Variants in RBFOX1 observed in about 807,000 individuals in gnomAD.
RBFOX1 encodes the protein RNA binding protein fox-1 homolog 1.
In RBFOX1, 8 loss-of-function variants were observed where a neutral mutation model predicts 57.7. The ratio of observed to expected loss-of-function variants is 0.14; its 90% CI spans 0.08 to 0.25. RBFOX1 has a LOEUF of 0.25. RBFOX1 is among the 10% of genes least tolerant of loss of function. RBFOX1 has a pLI of 1.00. For missense variants in RBFOX1, 611 were observed against 548.5 expected (o/e 1.11, Z -1.14); for synonymous variants, 326 against 222.4 (o/e 1.47, Z -4.15).
intron 2 of RBFOX1, among the ~76,000 whole-genome samples, chr16:6,489,346 T>C (rs1428027293): frequency 1.3e-5 from 2 of 152,210 alleles, no homozygotes; most frequent in Non-Finnish European, 2.9e-5. Context: ...TTATATAATA[T>C]TTTATATTTG....
chr16:6,317,893 A>G (rs1180757612), intron 2 of RBFOX1, among the ~76,000 whole-genome samples: 2 of 152,202 alleles, frequency 1.3e-5, no homozygotes, highest in African/African-American at 2.4e-5. Context: ...TTCAAGATGT[A>G]GCTTCCTTCA....
At chr16:5,443,856 T>A (rs1001729180) in intron 1 of RBFOX1, among the ~76,000 whole-genome samples, 1 of 152,182 alleles carries the variant, frequency 6.6e-6, no homozygotes, top group African/African-American at 2.4e-5. Flanking sequence ...AAGTCTGGGC[T>A]TTTTTTCCCC....
chr16:6,443,503 C>G (rs1259593233), intron 2 of RBFOX1, among the ~76,000 whole-genome samples: 2 of 152,112 alleles, frequency 1.3e-5, no homozygotes, highest in African/African-American at 4.8e-5. Flanking sequence ...AAGGACCTTC[C>G]TGAAAATCTC....
rs561256934 is a variant in RBFOX1, at chr16:6,459,260, C to T, written c.-64+142203C>T. Among the ~76,000 whole-genome samples, 37 of 152,082 alleles carry T rather than the reference C, an allele frequency of 2.4e-4. No homozygotes were observed. The East Asian group carries it at 3.5e-3, about 14-fold the overall frequency. On this transcript the variant is annotated intron_variant, in intron 2 of 15. Transcript: ENST00000550418. ...CTGAGGCAGGAGAATGGCGTGAACC[C>T]GGGAGGCAGAGGTTGCAGTGAGCCG...
At chr16:7,094,803 G>A (rs1337838259) in intron 4 of RBFOX1, among the ~76,000 whole-genome samples, 4 of 123,286 alleles carry the variant, frequency 3.2e-5, no homozygotes. Context: ...GAGAGAGAGA[G>A]AGATTGAGAC....
intron 4 of RBFOX1, among the ~76,000 whole-genome samples, chr16:5,889,876 G>T (rs1396900454): frequency 6.6e-6 from 1 of 152,214 alleles, no homozygotes; most frequent in East Asian, 1.9e-4. Flanking sequence ...CAGAATGGCT[G>T]GAAAGAGGAG....
chr16:6,830,152 G>C (rs1430556109), intron 3 of RBFOX1, among the ~76,000 whole-genome samples: 1 of 151,954 alleles, frequency 6.6e-6, no homozygotes. Flanking sequence ...CCTGACCTCA[G>C]GTGATCTGCC....
chr16:5,943,284 AT>A (rs1339636776), intron 4 of RBFOX1, among the ~76,000 whole-genome samples: 1 of 152,160 alleles, frequency 6.6e-6, no homozygotes, highest in Non-Finnish European at 1.5e-5. Flanking sequence ...CTTTCTTAGT[AT>A]GTAGTCCAGG....
intron 4 of RBFOX1, among the ~76,000 whole-genome samples, chr16:5,919,232 C>G (rs961520334): frequency 3.9e-5 from 6 of 152,206 alleles, no homozygotes; most frequent in African/African-American, 1.4e-4. Context: ...TAGTTAATGC[C>G]TATTTCTCTG....
At chr16:7,072,483 C>G (rs1391532949) in intron 4 of RBFOX1, among the ~76,000 whole-genome samples, 2 of 152,138 alleles carry the variant, frequency 1.3e-5, no homozygotes, top group African/African-American at 2.4e-5. Flanking sequence ...TCTCTACTGC[C>G]TATAACATAG....
intron 2 of RBFOX1, among the ~76,000 whole-genome samples, chr16:6,600,694 GATTTACC>G (rs1171700889): frequency 3.3e-5 from 5 of 152,090 alleles, no homozygotes; most frequent in Non-Finnish European, 7.3e-5. Context: ...CAAGTTTATA[GATTTACC>G]ATTTAGGAAA....
At chr16:7,333,152 T>G (rs1183874316) in intron 4 of RBFOX1, 3 of 1,490,130 alleles carry the variant, frequency 2.0e-6, no homozygotes, top group East Asian at 4.5e-5. Flanking sequence ...TAATTGGAAT[T>G]TTTATGGTTG....
At chr16:6,959,928 C>A (rs1177461140) in intron 3 of RBFOX1, among the ~76,000 whole-genome samples, 1 of 152,132 alleles carries the variant, frequency 6.6e-6, no homozygotes, top group Non-Finnish European at 1.5e-5. Flanking sequence ...AAGAGCGAAA[C>A]TCCATCTCAT....
intron 4 of RBFOX1, among the ~76,000 whole-genome samples, chr16:7,509,743 C>G (rs1168093848): frequency 6.6e-6 from 1 of 152,006 alleles, no homozygotes; most frequent in Non-Finnish European, 1.5e-5. Flanking sequence ...ATCTCTCTAT[C>G]TCTTTAAACT....
In RBFOX1 at chr16:7,611,860, T is replaced by C. The variant is rs186360166; in HGVS notation, c.676+4522T>C. ...ACTTATAAAAATCTTTCTAAATGCT[T>C]ATTCCGTGCCAGTCTTCAGAGCAGA... On this transcript the variant is annotated intron_variant, in intron 10 of 15. Coordinates refer to ENST00000550418, the MANE Select transcript of RBFOX1 (RefSeq NM_018723.4). Among the ~76,000 whole-genome samples, 411 of 152,294 alleles carry C rather than the reference T, an allele frequency of 2.7e-3. 1 individual carries two copies. The highest frequency in any genetic ancestry group is 9.4e-3 in the African/African-American group (392 of 41,558).
In RBFOX1 at chr16:6,601,343, C is replaced by T. The variant is rs139874575; in HGVS notation, c.-63-53260C>T. 7.4e-3 allele frequency among the ~76,000 whole-genome samples: 1,124 copies of T among 152,128 alleles called. 10 individuals carry two copies. Among genetic ancestry groups the T allele is most frequent in the Admixed American group, 0.022 (330 of 15,276 alleles). On this transcript the variant is annotated intron_variant, in intron 2 of 15. Transcript: ENST00000550418. ...CTCTCATGAACTTTCATTAGAGTTT[C>T]TTGTCTACTTGGTTATATTTAATGG...
At chr16:6,320,829 T>C (rs2081690184) in intron 2 of RBFOX1, among the ~76,000 whole-genome samples, 1 of 152,182 alleles carries the variant, frequency 6.6e-6, no homozygotes. Flanking sequence ...AATCTCACTC[T>C]GTTGCCCAGG....
At chr16:7,239,024 T>G (rs555114985) in intron 4 of RBFOX1, among the ~76,000 whole-genome samples, 1 of 152,228 alleles carries the variant, frequency 6.6e-6, no homozygotes, top group Non-Finnish European at 1.5e-5. Flanking sequence ...TACCACACTT[T>G]CTTTATCCAG....
intron 3 of RBFOX1, among the ~76,000 whole-genome samples, chr16:6,936,429 G>T (rs1421396522): frequency 6.6e-6 from 1 of 152,108 alleles, no homozygotes; most frequent in Non-Finnish European, 1.5e-5. Context: ...CACCTAATTG[G>T]ATGCATTTTG....
Sources: gnomAD v4.1 joint callset for allele counts (sites outside exome capture counted in the v4.1 genomes callset) on GRCh38, gnomAD v4.1.1 for gene constraint, MANE v1.5 for transcripts, NCBI Gene and HGNC (gene_info 2026-07-23, HGNC 2026-07-21) for gene names.